Variants in CPT2 observed in about 807,000 individuals in gnomAD.
CPT2 encodes the protein carnitine palmitoyltransferase 2.
In CPT2, 37 loss-of-function variants were observed where a neutral mutation model predicts 48.6. That is an observed-to-expected ratio of 0.76 (90% CI 0.59 to 1.00). The LOEUF (loss-of-function observed/expected upper bound fraction) is 1.00. CPT2 is among the 50% of genes least tolerant of loss of function. The pLI, the probability that CPT2 is intolerant of heterozygous loss-of-function variation, is 0.00. For missense variants in CPT2, 772 were observed against 825.6 expected (o/e 0.94, Z 0.80); for synonymous variants, 319 against 326.9 (o/e 0.98, Z 0.26).
At chr1:53,207,813 G>A (rs1030401940) in intron 3 of CPT2, 1 of 152,098 alleles carries the variant, frequency 6.6e-6, no homozygotes, top group Non-Finnish European at 1.5e-5. Context: ...CAGGAGTGAG[G>A]AGGGAATCTC....
At chr1:53,202,662 T>C (rs927463338) in intron 3 of CPT2, 17 of 561,848 alleles carry the variant, frequency 3.0e-5, no homozygotes, top group Non-Finnish European at 5.2e-5. Flanking sequence ...GTAGATGGGA[T>C]TGAGGCAGAA....
rs187044944 is a variant in CPT2 at position 53,210,958 on chromosome 1, A to T, written c.1284A>T (p.Thr428=). The change falls in exon 4 of 5, where the codon ACA becomes ACT. Residue 428 remains threonine (T), a synonymous_variant. Coordinates refer to ENST00000371486, the MANE Select transcript of CPT2 (RefSeq NM_000098.3). The part of the protein sequence containing the change: ...ELTDALKTGI[T]AAKEKFDATM... ...CTGATGCCTTAAAGACTGGCATCAC[A>T]GCTGCTAAGGAAAAGTTTGATGCCA... 3 of 1,614,106 alleles carry T rather than the reference A, an allele frequency of 1.9e-6. No individual in the cohort carries two copies. The African/African-American group carries it at 4.0e-5, about 22-fold the overall frequency.
intron 4 of CPT2, chr1:53,211,600 CTTTTTTTTTT>C: frequency 1.1e-5 from 4 of 374,502 alleles, no homozygotes; most frequent in East Asian, 4.2e-5. Flanking sequence ...TTTTTTCTTT[CTTTTTTTTTT>C]TTTTTTTTGG....
intron 1 of CPT2, among the ~76,000 whole-genome samples, chr1:53,198,480 AGG>A (rs1172783302): frequency 2.0e-5 from 3 of 152,228 alleles, no homozygotes; most frequent in Non-Finnish European, 2.9e-5. Flanking sequence ...AGGAAGAAAA[AGG>A]GGCTTTGTGC....
At chr1:53,211,494 A>G (rs1421224484) in intron 4 of CPT2, 175 bp downstream of exon 4, 1 of 629,548 alleles carries the variant, frequency 1.6e-6, no homozygotes, top group Non-Finnish European at 2.8e-6. Context: ...ACTAGCCACT[A>G]GGGATCAGAA....
At chr1:53,205,970 C>T (rs897548439) in intron 3 of CPT2, among the ~76,000 whole-genome samples, 15 of 152,138 alleles carry the variant, frequency 9.9e-5, no homozygotes. Flanking sequence ...ATCACAAGGT[C>T]AGGAGATCGA....
intron 4 of CPT2, chr1:53,212,847 G>T (rs1048928814): frequency 6.7e-6 from 3 of 446,696 alleles, no homozygotes; most frequent in Non-Finnish European, 1.2e-5. Flanking sequence ...TCGAACCCTG[G>T]TCAAACAGAC....
Position 53,211,073 on chromosome 1 carries a change from GC to G in CPT2, c.1402del (p.Gln468SerfsTer64), listed in dbSNP as rs1557718188. 1 of 1,614,150 alleles carries G rather than the reference GC, an allele frequency of 6.2e-7. No individual in the cohort carries two copies. Among genetic ancestry groups the G allele is most frequent in the South Asian group, 1.1e-5 (1 of 91,058 alleles). ...KKQKLSPDAV[A>X]QLAFQMAFLR... is the part of the protein sequence containing the mutation. ...GCAAAAGCTGAGCCCTGACGCAGTT[GC>G]CCAGCTGGCATTCCAGATGGCCTTC... is the stretch of plus-strand genomic sequence containing the variant. On this transcript the variant is annotated frameshift_variant, in exon 4 of 5. Transcript: ENST00000371486. LOFTEE classifies it high-confidence loss of function.
At chr1:53,211,459 C>G in intron 4 of CPT2, 140 bp downstream of exon 4, 1 of 845,438 alleles carries the variant, frequency 1.2e-6, no homozygotes. Context: ...TTTTTCTTTT[C>G]TACCCTAGCA....
rs1645361142 is a variant in CPT2 at position 53,202,675 on chromosome 1, TA to T, written c.340+248del. 5.6e-6 allele frequency: 3 copies of T among 531,842 alleles called. No individual in the cohort carries two copies. In the African/African-American group the frequency reaches 5.7e-5, roughly 10 times the overall value. 32.9% of individuals were successfully genotyped at this position (531,842 alleles called of 1,614,324 possible). A position where few individuals can be genotyped will look rare whatever the true frequency, so the allele number is the denominator to read the frequency against. On this transcript the variant is annotated intron_variant, in intron 3 of 4. Coordinates refer to ENST00000371486, the MANE Select transcript of CPT2 (RefSeq NM_000098.3). ...CTGTAGATGGGATTGAGGCAGAACC[TA>T]ATCAATGGTCCTGTCTGAAAAGGAT...
intron 4 of CPT2, 99 bp downstream of exon 4, chr1:53,211,418 A>C (rs1050581614): frequency 7.8e-7 from 1 of 1,283,582 alleles, no homozygotes; most frequent in Non-Finnish European, 1.1e-6. Flanking sequence ...CTACCCGTTC[A>C]CTAGGTTTAA....
At chr1:53,211,456 T>C in intron 4 of CPT2, 137 bp downstream of exon 4, 1 of 887,676 alleles carries the variant, frequency 1.1e-6, no homozygotes, top group Non-Finnish European at 1.7e-6. Context: ...AAATTTTTCT[T>C]TTCTACCCTA....
chr1:53,205,024 G>T (rs1645378827), intron 3 of CPT2, among the ~76,000 whole-genome samples: 1 of 152,166 alleles, frequency 6.6e-6, no homozygotes, highest in Admixed American at 6.5e-5. Flanking sequence ...CCAGGAGGGG[G>T]GCATTGCTAC....
In CPT2 at chr1:53,196,866, A is replaced by G. The variant is rs527634657; in HGVS notation, c.-78A>G. 1 of 1,507,372 alleles carries G rather than the reference A, an allele frequency of 6.6e-7. No homozygotes were observed. 93.4% of individuals were successfully genotyped at this position (1,507,372 alleles called of 1,614,324 possible). A position where few individuals can be genotyped will look rare whatever the true frequency, so the allele number is the denominator to read the frequency against. Reference sequence around the variant, plus strand: ...GTCCTGACGCAGTGTCTTGGGCGCTAACGGCGGCGGCGGCCTTGTGTTTAG... The same window carrying G: ...GTCCTGACGCAGTGTCTTGGGCGCTGACGGCGGCGGCGGCCTTGTGTTTAG... On this transcript the variant is annotated 5_prime_UTR_variant, in exon 1 of 5. Transcript: ENST00000371486.
In CPT2 at chr1:53,196,960, T is replaced by G; in HGVS notation, c.17T>G (p.Leu6Arg). ...CCCGGGACGATGGTGCCCCGCCTGC[T>G]GCTGCGCGCCTGGCCCCGGGGCCCC... MVPRL[L>R]LRAWPRGPAV... is the part of the protein sequence containing the mutation. The change falls in exon 1 of 5, where the codon CTG (leucine) becomes CGG (arginine). Residue 6 changes from leucine to arginine, a missense_variant. Transcript: ENST00000371486. The G allele has an allele frequency of 6.5e-7, 1 of 1,538,856 alleles. No individual in the cohort carries two copies. Among genetic ancestry groups the G allele is most frequent in the Non-Finnish European group, 8.7e-7 (1 of 1,150,766 alleles).
At chr1:53,204,220 A>G (rs1002750339) in intron 3 of CPT2, 4 of 151,586 alleles carry the variant, frequency 2.6e-5, no homozygotes, top group Non-Finnish European at 5.9e-5. Flanking sequence ...GTGGAACTCT[A>G]TTATTATTCA....
In CPT2 at chr1:53,210,690, C is replaced by T. The variant is rs375109382; in HGVS notation, c.1016C>T (p.Ser339Phe). 7.0e-5 allele frequency: 113 copies of T among 1,614,060 alleles called. No homozygotes were observed. Among genetic ancestry groups the T allele is most frequent in the African/African-American group, 1.3e-4 (10 of 74,916 alleles). The change falls in exon 4 of 5, where the codon TCC (serine) becomes TTC (phenylalanine). Residue 339 changes from serine to phenylalanine, a missense_variant. Coordinates refer to ENST00000371486, the MANE Select transcript of CPT2 (RefSeq NM_000098.3). ...CCCATTAAGGACCTTGTCCACTTGT[C>T]CCACAATATGCTGCATGGGGATGGC... ...DFPIKDLVHLSHNMLHGDGTN... is the reference protein window; with the variant it reads ...DFPIKDLVHLFHNMLHGDGTN...
In CPT2 at chr1:53,205,954, G is replaced by A. The variant is rs547275656; in HGVS notation, c.340+3525G>A. 3.2e-3 allele frequency among the ~76,000 whole-genome samples: 481 copies of A among 152,244 alleles called. 1 individual carries two copies. Among genetic ancestry groups the A allele is most frequent in the Non-Finnish European group, 4.8e-3 (324 of 68,012 alleles). On this transcript the variant is annotated intron_variant, in intron 3 of 4. Transcript: ENST00000371486. ...TCCCAGCACTTTGGGAGGCCAAGGCGGGTGGATCACAAGGTCAGGAGATCG... is the reference window on the plus strand; with the variant it reads ...TCCCAGCACTTTGGGAGGCCAAGGCAGGTGGATCACAAGGTCAGGAGATCG...
Position 53,213,443 on chromosome 1 carries a change from G to A in CPT2, c.1825G>A (p.Gly609Ser), listed in dbSNP as rs1553169998. Reference sequence around the variant, plus strand: ...GGGCTTTGCCCCTGTGGTCTCTGATGGCTTTGGTGTTGGGTATGCTGTTCA... The same window carrying A: ...GGGCTTTGCCCCTGTGGTCTCTGATAGCTTTGGTGTTGGGTATGCTGTTCA... ...LGGFAPVVSD[G>S]FGVGYAVHDN... Residue 609 changes from glycine (G) to serine (S), a missense_variant, in exon 5 of 5, where the codon GGC becomes AGC. Transcript: ENST00000371486. 11 of 1,614,250 alleles carry A rather than the reference G, an allele frequency of 6.8e-6. No homozygotes were observed. The highest frequency in any genetic ancestry group is 9.3e-6 in the Non-Finnish European group (11 of 1,180,052).
Sources: gnomAD v4.1 joint callset for allele counts (sites outside exome capture counted in the v4.1 genomes callset) on GRCh38, gnomAD v4.1.1 for gene constraint, MANE v1.5 for transcripts, NCBI Gene and HGNC (gene_info 2026-07-23, HGNC 2026-07-21) for gene names.